Variants in PPP2R5C observed in about 807,000 individuals in gnomAD.
The protein encoded by PPP2R5C is protein phosphatase 2 regulatory subunit B'gamma.
A neutral mutation model predicts 68.9 loss-of-function variants in PPP2R5C; 7 were observed. That is an observed-to-expected ratio of 0.10 (90% CI 0.06 to 0.19). PPP2R5C has a LOEUF of 0.19. Among genes scored for constraint, PPP2R5C ranks in the 10% least tolerant of loss-of-function variants. The probability of loss-of-function intolerance (pLI) is 1.00; values close to 1 mark genes in which losing one functional copy is unlikely to be tolerated. For missense variants in PPP2R5C, 348 were observed against 641.3 expected (o/e 0.54, Z 4.94); for synonymous variants, 210 against 222.2 (o/e 0.95, Z 0.49).
chr14:101,810,072 C>T (rs1595221337), intron 1 of PPP2R5C: 1 of 1,575,682 alleles, frequency 6.3e-7, no homozygotes. Context: ...TCGGAACCTT[C>T]CGTGGGTAGT....
chr14:101,793,119 C>G (rs2038438898), intron 3 of PPP2R5C, among the ~76,000 whole-genome samples: 1 of 152,024 alleles, frequency 6.6e-6, no homozygotes. Context: ...CTCAAGTGAT[C>G]CACCCACCTC....
At chr14:101,804,306 GT>G (rs1335690774) in intron 3 of PPP2R5C, among the ~76,000 whole-genome samples, 1 of 152,180 alleles carries the variant, frequency 6.6e-6, no homozygotes, top group Non-Finnish European at 1.5e-5. Context: ...ATAAAGAACA[GT>G]TTGGATGTTG....
intron 2 of PPP2R5C, among the ~76,000 whole-genome samples, chr14:101,763,329 T>A (rs891018985): frequency 6.6e-6 from 1 of 151,424 alleles, no homozygotes; most frequent in Admixed American, 6.6e-5. Flanking sequence ...CAAGTGATCC[T>A]CTTACCTCAG....
chr14:101,906,388 C>T lies in PPP2R5C; in HGVS notation c.1024-14C>T, dbSNP rs1182908047. 14 of 1,583,786 alleles carry T rather than the reference C, an allele frequency of 8.8e-6. No individual in the cohort carries two copies. The highest frequency in any genetic ancestry group is 1.2e-5 in the Non-Finnish European group (14 of 1,167,060). On this transcript the variant is annotated splice_polypyrimidine_tract_variant and intron_variant, in intron 9 of 13. Transcript: ENST00000334743. The surrounding 1 kb of genome is among the most constrained non-coding windows in gnomAD (Gnocchi z 4.0). ...GGCACAACCTCCAGCAAGCCATCCA[C>T]TTGTGTCTTTCAGGTGGCAGAGCGA...
At chr14:101,847,625 C>T (rs1834321418) in intron 1 of PPP2R5C, among the ~76,000 whole-genome samples, 1 of 150,844 alleles carries the variant, frequency 6.6e-6, no homozygotes. Flanking sequence ...GAAATACTTC[C>T]TAGTGATGCA....
chr14:101,830,736 T>G (rs927269771), intron 1 of PPP2R5C, among the ~76,000 whole-genome samples: 3 of 152,260 alleles, frequency 2.0e-5, no homozygotes, highest in African/African-American at 7.2e-5. Context: ...ATACTGGGGT[T>G]TAAAGATGTA....
chr14:101,909,119 A>C (rs1249025184), intron 10 of PPP2R5C, among the ~76,000 whole-genome samples: 1 of 152,202 alleles, frequency 6.6e-6, no homozygotes, highest in African/African-American at 2.4e-5. Flanking sequence ...CCTGAGAGCT[A>C]AGCATTGATT....
rs1555403925 is a variant in PPP2R5C, at chr14:101,919,980, A to AAAAAAC, written c.1443+2038_1443+2039insCAAAAA. Among the ~76,000 whole-genome samples the AAAAAAC allele has an allele frequency of 7.0e-5, 8 of 114,184 alleles. 1 individual carries two copies. Among genetic ancestry groups the AAAAAAC allele is most frequent in the East Asian group, 3.9e-4 (1 of 2,534 alleles). The allele number at this position is 114,184 out of a possible 152,430, so 74.9% of individuals were successfully genotyped here. On this transcript the variant is annotated intron_variant, in intron 13 of 13. Coordinates refer to ENST00000334743, the Ensembl canonical transcript of PPP2R5C. ...GCAAAACTCCGTCTCAAAAAAAAAA[A>AAAAAAC]AAAAAAAAAAAACCAATTCTTACAC...
intron 1 of PPP2R5C, among the ~76,000 whole-genome samples, chr14:101,851,001 A>T (rs2042125813): frequency 1.3e-5 from 2 of 152,300 alleles, no homozygotes; most frequent in South Asian, 4.1e-4. Context: ...GAAAGACAAG[A>T]TGGCACCGTC....
chr14:101,798,840 G>A (rs146948701), intron 3 of PPP2R5C, among the ~76,000 whole-genome samples: 33 of 152,286 alleles, frequency 2.2e-4, no homozygotes, highest in African/African-American at 7.2e-4. Flanking sequence ...AAGGCAGGTA[G>A]GCATGTCACA....
rs887730104 is a variant in PPP2R5C at position 101,906,217 on chromosome 14, C to T, written c.1024-185C>T. The stretch of plus-strand genomic sequence containing the variant: ...GATGAGTTGATGTACAAGAAGTTGT[C>T]TGCCTCTTTGTTGAAGGCTCTTCAG... On this transcript the variant is annotated intron_variant, in intron 9 of 13. Coordinates refer to ENST00000334743, the Ensembl canonical transcript of PPP2R5C. The surrounding 1 kb of genome is among the most constrained non-coding windows in gnomAD (Gnocchi z 4.0). Among the ~76,000 whole-genome samples, 22 of 152,224 alleles carry T rather than the reference C, an allele frequency of 1.4e-4. 1 individual carries two copies. The highest frequency in any genetic ancestry group is 3.4e-3 in the Middle Eastern group (1 of 294).
In PPP2R5C at chr14:101,797,392, C is replaced by T. The variant is rs2038664171; in HGVS notation, c.259+11209C>T. 7.0e-6 allele frequency: 3 copies of T among 429,752 alleles called. No homozygotes were observed. Among genetic ancestry groups the T allele is most frequent in the Non-Finnish European group, 1.4e-5 (3 of 209,826 alleles). The allele number at this position is 429,752 out of a possible 1,614,324, so 26.6% of individuals were successfully genotyped here. A position where few individuals can be genotyped will look rare whatever the true frequency, so the allele number is the denominator to read the frequency against. Reference sequence around the variant, plus strand: ...AGTTAACAGTTGCGTGCTTGTCTGCCTGTGTCATCCATTCGAGCATCTGCC... The same window carrying T: ...AGTTAACAGTTGCGTGCTTGTCTGCTTGTGTCATCCATTCGAGCATCTGCC... On this transcript the variant is annotated intron_variant, in intron 3 of 14. Transcript: ENST00000328724. The surrounding 1 kb of genome is among the most constrained non-coding windows in gnomAD (Gnocchi z 4.2).
At chr14:101,892,738 C>T (rs1045432554) in intron 6 of PPP2R5C, among the ~76,000 whole-genome samples, 2 of 152,070 alleles carry the variant, frequency 1.3e-5, no homozygotes, top group African/African-American at 4.8e-5. Context: ...TATAGGATCT[C>T]GCTATACTAC....
At chr14:101,881,246 A>G (rs1340401207) in intron 2 of PPP2R5C, among the ~76,000 whole-genome samples, 2 of 151,906 alleles carry the variant, frequency 1.3e-5, no homozygotes, top group Non-Finnish European at 2.9e-5. Flanking sequence ...CTAAAAATAC[A>G]AAAATTAGCC....
At position 101,906,345 on chromosome 14, in the gene PPP2R5C, C is replaced by T; in HGVS notation, c.1024-57C>T. The T allele has an allele frequency of 1.3e-6, 2 of 1,518,960 alleles. No individual in the cohort carries two copies. 94.1% of individuals were successfully genotyped at this position (1,518,960 alleles called of 1,614,324 possible). ...CGACTCACAGGTTTAACAGCAAGGACAGCCACCTGATGTCTCAGGCACAAC... is the reference window on the plus strand; with the variant it reads ...CGACTCACAGGTTTAACAGCAAGGATAGCCACCTGATGTCTCAGGCACAAC... On this transcript the variant is annotated intron_variant, in intron 9 of 13. Transcript: ENST00000334743. This position sits in a 1 kb window ranked among gnomAD's most constrained non-coding sequence, Gnocchi z 4.0.
In PPP2R5C at chr14:101,879,134, G is replaced by A. The variant is rs1032379860; in HGVS notation, c.295-3027G>A. ...GGGAGGGACATGCTGTGGGAGAGGAGGGGAAGCAAGGGTGGCTCCGAGCCC... is the reference window on the plus strand; with the variant it reads ...GGGAGGGACATGCTGTGGGAGAGGAAGGGAAGCAAGGGTGGCTCCGAGCCC... On this transcript the variant is annotated intron_variant, in intron 2 of 13. Transcript: ENST00000334743. The surrounding 1 kb of genome is among the most constrained non-coding windows in gnomAD (Gnocchi z 4.2). 5.9e-5 allele frequency: 9 copies of A among 152,386 alleles called. No individual in the cohort carries two copies. The highest frequency in any genetic ancestry group is 1.3e-4 in the Non-Finnish European group (9 of 68,178). The allele number at this position is 152,386 out of a possible 1,614,324, so 9.4% of individuals were successfully genotyped here. A position where few individuals can be genotyped will look rare whatever the true frequency, so the allele number is the denominator to read the frequency against.
At chr14:101,814,355 G>C (rs945420341) in intron 1 of PPP2R5C, among the ~76,000 whole-genome samples, 1 of 152,154 alleles carries the variant, frequency 6.6e-6, no homozygotes, top group Non-Finnish European at 1.5e-5. Flanking sequence ...CTGTATCCTA[G>C]GTGTGAAGTT....
intron 5 of PPP2R5C, chr14:101,889,707 G>A (rs1429893953): frequency 2.3e-5 from 7 of 302,734 alleles, no homozygotes; most frequent in South Asian, 5.6e-5. Context: ...CGGAGGATGC[G>A]TGTGGGTGTC....
chr14:101,796,774 T>C (rs777817456), intron 3 of PPP2R5C: 5 of 191,826 alleles, frequency 2.6e-5, no homozygotes, highest in Admixed American at 1.1e-4. Context: ...CCAGCTGTAA[T>C]CTCGGCTCAT....
Sources: gnomAD v4.1 joint callset for allele counts (sites outside exome capture counted in the v4.1 genomes callset) on GRCh38, gnomAD v4.1.1 for gene constraint, Gnocchi (gnomAD v3.1) non-coding constraint, MANE v1.5 for transcripts, NCBI Gene and HGNC (gene_info 2026-07-23, HGNC 2026-07-21) for gene names.